The following LDLRAD3 variants were observed in gnomAD, a reference collection of about 807,000 sequenced individuals.
The protein encoded by LDLRAD3 is low density lipoprotein receptor class A domain containing 3.
In LDLRAD3, 20 loss-of-function variants were observed where a neutral mutation model predicts 29.4. That is an observed-to-expected ratio of 0.68 (90% CI 0.48 to 0.99). LDLRAD3 has a LOEUF of 0.99. Ranked by LOEUF, LDLRAD3 falls within the 50% of genes least tolerant of loss-of-function variation. The probability of loss-of-function intolerance (pLI) is 0.00; values close to 1 mark genes in which losing one functional copy is unlikely to be tolerated. For synonymous variants in LDLRAD3, 157 were observed against 192.7 expected (o/e 0.81, Z 1.53); for missense variants, 420 against 454.3 (o/e 0.92, Z 0.69).
At chr11:36,133,547 C>CTTTTTTTTTTTT (rs67935336) in intron 4 of LDLRAD3, among the ~76,000 whole-genome samples, 5 of 119,894 alleles carry the variant, frequency 4.2e-5, no homozygotes, top group African/African-American at 9.6e-5. Flanking sequence ...TTTTTCTTTT[C>CTTTTTTTTTTTT]TTTTTTTTTT....
chr11:35,998,096 T>A (rs979933509), intron 1 of LDLRAD3, among the ~76,000 whole-genome samples: 7 of 152,114 alleles, frequency 4.6e-5, no homozygotes, highest in Non-Finnish European at 7.4e-5. Flanking sequence ...AACATGGGAC[T>A]CCCCCAGGTG....
At chr11:36,205,372 T>C (rs1469735725) in intron 4 of LDLRAD3, among the ~76,000 whole-genome samples, 1 of 151,816 alleles carries the variant, frequency 6.6e-6, no homozygotes, top group Admixed American at 6.6e-5. Flanking sequence ...TTCCAAGGAG[T>C]AGGACAGTCA....
At chr11:35,960,889 C>T (rs188213698) in intron 1 of LDLRAD3, among the ~76,000 whole-genome samples, 38 of 152,342 alleles carry the variant, frequency 2.5e-4, no homozygotes, top group African/African-American at 8.9e-4. Flanking sequence ...CCACCGTGCC[C>T]GGCCTGCTTT....
rs113889284 is a variant in LDLRAD3, at chr11:36,023,186, G to A, written c.47-12917G>A. Among the ~76,000 whole-genome samples, 160 of 152,240 alleles carry A rather than the reference G, an allele frequency of 1.1e-3. 1 individual carries two copies. The highest frequency in any genetic ancestry group is 3.5e-3 in the African/African-American group (147 of 41,540). On this transcript the variant is annotated intron_variant, in intron 1 of 5. Coordinates refer to ENST00000315571, the MANE Select transcript of LDLRAD3 (RefSeq NM_174902.4). ...GGCTGGCGTTTTTGATCTCCCTGGCGGGGTTGCTTTCCCAATCAGAAGTGA... is the reference window on the plus strand; with the variant it reads ...GGCTGGCGTTTTTGATCTCCCTGGCAGGGTTGCTTTCCCAATCAGAAGTGA...
intron 4 of LDLRAD3, among the ~76,000 whole-genome samples, chr11:36,191,595 T>C (rs1313838359): frequency 1.1e-4 from 11 of 103,904 alleles, no homozygotes; most frequent in South Asian, 3.5e-4. Flanking sequence ...TATATATATA[T>C]ATATACACAC....
intron 1 of LDLRAD3, among the ~76,000 whole-genome samples, chr11:36,015,056 G>A (rs1396812081): frequency 6.6e-6 from 1 of 152,184 alleles, no homozygotes; most frequent in Non-Finnish European, 1.5e-5. Flanking sequence ...TCCCTGTTCA[G>A]ATTCATTTTG....
chr11:36,220,404 A>T (rs943875228), intron 4 of LDLRAD3, among the ~76,000 whole-genome samples: 1 of 152,212 alleles, frequency 6.6e-6, no homozygotes, highest in African/African-American at 2.4e-5. Flanking sequence ...TGAAACTGGG[A>T]ACAGCCCAGT....
chr11:36,081,109 G>T (rs911499778), intron 2 of LDLRAD3, among the ~76,000 whole-genome samples: 2 of 152,196 alleles, frequency 1.3e-5, no homozygotes, highest in Non-Finnish European at 2.9e-5. Flanking sequence ...CTCCAGCCAA[G>T]GAAGAGCCAA....
chr11:36,145,498 G>T (rs574151576), intron 4 of LDLRAD3, among the ~76,000 whole-genome samples: 16 of 150,050 alleles, frequency 1.1e-4, no homozygotes, highest in African/African-American at 3.7e-4. Flanking sequence ...ACCCCGTCTG[G>T]GAGGTGTACT....
In LDLRAD3 at chr11:36,229,757, A is replaced by G; in HGVS notation, c.*360A>G. 4.9e-6 allele frequency: 1 copy of G among 206,120 alleles called. No homozygotes were observed. The highest frequency in any genetic ancestry group is 9.8e-6 in the Non-Finnish European group (1 of 102,272). The allele number at this position is 206,120 out of a possible 1,614,324, so 12.8% of individuals were successfully genotyped here. ...TGCTATATTGGATGCTCAGAAGTGC[A>G]GGAGACGCTGGACCCAATTCTCTCT... is the stretch of plus-strand genomic sequence containing the variant. On this transcript the variant is annotated 3_prime_UTR_variant, in exon 6 of 6. Coordinates refer to ENST00000315571, the MANE Select transcript of LDLRAD3 (RefSeq NM_174902.4).
chr11:36,140,281 C>T (rs1400048526), intron 4 of LDLRAD3, among the ~76,000 whole-genome samples: 1 of 152,204 alleles, frequency 6.6e-6, no homozygotes, highest in Admixed American at 6.5e-5. Context: ...TGGCAGGACC[C>T]TTCTCACACC....
intron 1 of LDLRAD3, among the ~76,000 whole-genome samples, chr11:36,009,424 A>G (rs1851926854): frequency 6.6e-6 from 1 of 152,218 alleles, no homozygotes; most frequent in Non-Finnish European, 1.5e-5. Context: ...CAAAAGGCTA[A>G]GAATAGCATT....
At chr11:35,968,533 A>G in intron 1 of LDLRAD3, 1 of 265,838 alleles carries the variant, frequency 3.8e-6, no homozygotes, top group Middle Eastern at 8.3e-4. Context: ...TACTGAGAGG[A>G]GTCCTGGGCA....
chr11:35,984,667 T>C (rs1851585721), intron 1 of LDLRAD3, among the ~76,000 whole-genome samples: 1 of 152,228 alleles, frequency 6.6e-6, no homozygotes, highest in Non-Finnish European at 1.5e-5. Flanking sequence ...GTTTCGCTCT[T>C]GTTGCCCAGG....
At chr11:36,146,011 G>GAAAAAAAAAAAAAAAAA (rs59776162) in intron 4 of LDLRAD3, among the ~76,000 whole-genome samples, 2 of 145,130 alleles carry the variant, frequency 1.4e-5, no homozygotes, top group African/African-American at 2.6e-5. Context: ...ATAAAAAAAA[G>GAAAAAAAAAAAAAAAAA]AAAAAAAAAA....
At chr11:36,209,707 A>G (rs1590358547) in intron 4 of LDLRAD3, among the ~76,000 whole-genome samples, 1 of 152,296 alleles carries the variant, frequency 6.6e-6, no homozygotes, top group Non-Finnish European at 1.5e-5. Flanking sequence ...TTATCTCCAA[A>G]TAAAAAATTA....
At chr11:36,124,562 A>T (rs11599963) in intron 4 of LDLRAD3, among the ~76,000 whole-genome samples, 2 of 151,990 alleles carry the variant, frequency 1.3e-5, no homozygotes, top group Non-Finnish European at 2.9e-5. Context: ...GAGTTTTTTC[A>T]CTGCACCTGG....
intron 3 of LDLRAD3, among the ~76,000 whole-genome samples, chr11:36,093,510 G>C (rs112160003): frequency 6.6e-6 from 1 of 151,644 alleles, no homozygotes; most frequent in Non-Finnish European, 1.5e-5. Context: ...TCATATTAAC[G>C]TAATATAGTA....
chr11:36,137,724 G>A (rs1485745170), intron 4 of LDLRAD3, among the ~76,000 whole-genome samples: 2 of 152,198 alleles, frequency 1.3e-5, no homozygotes, highest in Non-Finnish European at 2.9e-5. Flanking sequence ...TAATTAGCAA[G>A]CCTTATATTT....
Sources: gnomAD v4.1 joint callset for allele counts (sites outside exome capture counted in the v4.1 genomes callset) on GRCh38, gnomAD v4.1.1 for gene constraint, MANE v1.5 for transcripts, NCBI Gene and HGNC (gene_info 2026-07-23, HGNC 2026-07-21) for gene names.